The following NSD1 variants were observed in gnomAD, a reference collection of about 807,000 sequenced individuals.
NSD1 encodes nuclear receptor binding SET domain protein 1, also known as histone-lysine N-methyltransferase, H3 lysine-36 specific.
In NSD1, 26 loss-of-function variants were observed where a neutral mutation model predicts 242.7. The ratio of observed to expected loss-of-function variants is 0.11; its 90% CI spans 0.08 to 0.15. The LOEUF (loss-of-function observed/expected upper bound fraction) is 0.15. Among genes scored for constraint, NSD1 ranks in the 10% least tolerant of loss-of-function variants. The pLI is 1.00. For synonymous variants in NSD1, 1,106 were observed against 1,178.1 expected, an observed-to-expected ratio of 0.94 and a Z score of 1.25; for missense variants, 2,495 against 3,272.8, an observed-to-expected ratio of 0.76 and a Z score of 5.80.
intron 5 of NSD1, among the ~76,000 whole-genome samples, chr5:177,233,479 A>G (rs1200654243): frequency 6.7e-6 from 1 of 149,064 alleles, no homozygotes; most frequent in African/African-American, 2.5e-5. Context: ...AGTGATTCTC[A>G]TGCTTCGGCA....
At chr5:177,154,113 T>G (rs975446230) in intron 2 of NSD1, among the ~76,000 whole-genome samples, 1 of 152,124 alleles carries the variant, frequency 6.6e-6, no homozygotes, top group African/African-American at 2.4e-5. Context: ...ATGCTAGCTC[T>G]TTGTATGAGG....
intron 10 of NSD1, 91 bp from the exon 11 acceptor site, chr5:177,248,090 A>G: frequency 6.4e-7 from 1 of 1,573,548 alleles, no homozygotes; most frequent in Non-Finnish European, 8.6e-7. Context: ...GTAAGTGCTT[A>G]ATGGCTAGAC....
chr5:177,251,959 T>A (rs1005127324), intron 12 of NSD1, 106 bp downstream of exon 12: 14 of 1,382,896 alleles, frequency 1.0e-5, no homozygotes, highest in Non-Finnish European at 1.4e-5. Context: ...CTGGGCTAGT[T>A]GTTACAGATA....
chr5:177,252,536 G>GTTTTTTTTTTTTTTTTTTT, intron 12 of NSD1, among the ~76,000 whole-genome samples: 1 of 98,996 alleles, frequency 1.0e-5, no homozygotes, highest in African/African-American at 4.3e-5. Context: ...AAAGTAAAGT[G>GTTTTTTTTTTTTTTTTTTT]TTCTTTTTTT....
At chr5:177,247,240 G>A (rs879788091) in intron 10 of NSD1, among the ~76,000 whole-genome samples, 5 of 152,128 alleles carry the variant, frequency 3.3e-5, no homozygotes, top group Admixed American at 6.5e-5. Flanking sequence ...GACCAGCCTC[G>A]CCAACATGGT....
At chr5:177,177,934 G>A (rs988717843) in intron 2 of NSD1, among the ~76,000 whole-genome samples, 2 of 151,870 alleles carry the variant, frequency 1.3e-5, no homozygotes, top group African/African-American at 4.8e-5. Flanking sequence ...TTGCTCTGTC[G>A]CCCAGGCTGG....
intron 4 of NSD1, 35 bp from the exon 5 acceptor site, chr5:177,209,601 A>G (rs927880697): frequency 1.3e-6 from 2 of 1,511,678 alleles, no homozygotes; most frequent in South Asian, 1.1e-5. Context: ...CATTTCTTTG[A>G]TAAGTGATAA....
chr5:177,166,225 T>A (rs1250267599), intron 2 of NSD1, among the ~76,000 whole-genome samples: 30 of 151,904 alleles, frequency 2.0e-4, no homozygotes, highest in Non-Finnish European at 1.3e-4. Context: ...CCAGCCCACA[T>A]TCTTGATAAT....
At chr5:177,257,378 C>T (rs1471879401) in intron 13 of NSD1, among the ~76,000 whole-genome samples, 1 of 151,832 alleles carries the variant, frequency 6.6e-6, no homozygotes, top group East Asian at 1.9e-4. Flanking sequence ...CTACAGGCGC[C>T]TGCCACCATG....
intron 8 of NSD1, among the ~76,000 whole-genome samples, chr5:177,243,970 G>T (rs1562250834): frequency 6.6e-6 from 1 of 152,160 alleles, no homozygotes. Flanking sequence ...TAGGATTACA[G>T]GTGTGAGCCA....
rs1361515828 is a variant in NSD1 at position 177,300,085 on chromosome 5, T to C, written c.*4626T>C. The stretch of plus-strand genomic sequence containing the variant: ...CCCCCCCCCCCGCCCCCATAGATTG[T>C]CAGCTGTAAGTGAAACTCCTAGTGA... On this transcript the variant is annotated 3_prime_UTR_variant, in exon 23 of 23. Coordinates refer to ENST00000439151, the MANE Select transcript of NSD1 (RefSeq NM_022455.5). 4 of 159,250 alleles carry C rather than the reference T, an allele frequency of 2.5e-5. No homozygotes were observed. Among genetic ancestry groups the C allele is most frequent in the Non-Finnish European group, 4.8e-5 (4 of 84,146 alleles). 9.9% of individuals were successfully genotyped at this position (159,250 alleles called of 1,614,324 possible).
chr5:177,142,176 G>T (rs542225812), intron 2 of NSD1, among the ~76,000 whole-genome samples: 1 of 152,002 alleles, frequency 6.6e-6, no homozygotes, highest in Non-Finnish European at 1.5e-5. Context: ...TGCCAAACAC[G>T]CATTTACTTC....
At chr5:177,241,093 T>G (rs1562247907) in intron 8 of NSD1, among the ~76,000 whole-genome samples, 1 of 152,148 alleles carries the variant, frequency 6.6e-6, no homozygotes, top group Non-Finnish European at 1.5e-5. Context: ...TTTAGGAGTT[T>G]TTTGGTTCTG....
intron 21 of NSD1, among the ~76,000 whole-genome samples, chr5:177,290,272 T>C (rs1759713090): frequency 6.6e-6 from 1 of 151,006 alleles, no homozygotes; most frequent in Admixed American, 6.6e-5. Context: ...AAAATTGCAG[T>C]TTAATTTTGA....
intron 5 of NSD1, among the ~76,000 whole-genome samples, chr5:177,218,440 T>G (rs1429695948): frequency 6.6e-6 from 1 of 152,106 alleles, no homozygotes; most frequent in African/African-American, 2.4e-5. Context: ...CTACCTCAAG[T>G]GTGAAGGTCA....
chr5:177,225,538 G>T (rs1475954804), intron 5 of NSD1, among the ~76,000 whole-genome samples: 2 of 151,798 alleles, frequency 1.3e-5, no homozygotes, highest in Non-Finnish European at 2.9e-5. Flanking sequence ...CCCAATTGTG[G>T]CCTTTCTTAT....
At chr5:177,228,794 A>C (rs369694128) in intron 5 of NSD1, among the ~76,000 whole-genome samples, 8 of 152,220 alleles carry the variant, frequency 5.3e-5, no homozygotes, top group African/African-American at 1.9e-4. Flanking sequence ...GGTATAATTT[A>C]CATACTGTGA....
At chr5:177,136,128 C>T (rs1273189750) in intron 2 of NSD1, 98 bp downstream of exon 2, 3 of 1,030,990 alleles carry the variant, frequency 2.9e-6, no homozygotes, top group African/African-American at 3.2e-5. Context: ...GGTTGCTTAT[C>T]AGTTCACAGC....
At chr5:177,275,026 G>A (rs1016099640) in intron 17 of NSD1, among the ~76,000 whole-genome samples, 3 of 151,470 alleles carry the variant, frequency 2.0e-5, no homozygotes, top group East Asian at 3.9e-4. Context: ...GAGCCACCAC[G>A]CCCGGCTGTG....
Sources: gnomAD v4.1 joint callset for allele counts (sites outside exome capture counted in the v4.1 genomes callset) on GRCh38, gnomAD v4.1.1 for gene constraint, MANE v1.5 for transcripts, NCBI Gene and HGNC (gene_info 2026-07-23, HGNC 2026-07-21) for gene names.